HDAC9: variants seen among roughly 807,000 people sequenced by gnomAD.
HDAC9 encodes the protein histone deacetylase 9, also known as MEF-2 interacting transcription repressor (MITR) protein.
Under a neutral mutation model 139.4 loss-of-function variants are expected in HDAC9, and 41 were observed. That is an observed-to-expected ratio of 0.29 (90% confidence interval 0.23 to 0.38). HDAC9 has a LOEUF of 0.38. HDAC9 is among the 10% of genes least tolerant of loss of function. HDAC9 has a pLI of 1.00. For missense variants in HDAC9, 1,147 were observed against 1,297.0 expected (o/e 0.88, Z 1.78); for synonymous variants, 517 against 476.2 (o/e 1.09, Z -1.12).
intron 1 of HDAC9, among the ~76,000 whole-genome samples, chr7:18,112,900 A>C (rs1783720394): frequency 6.6e-6 from 1 of 152,156 alleles, no homozygotes; most frequent in African/African-American, 2.4e-5. Flanking sequence ...GAAGATGTTT[A>C]CAGGTTTGGG....
chr7:18,995,026 AAAGGGACAAATCTAAAGTATT>A (rs1286582584), intron 25 of HDAC9, among the ~76,000 whole-genome samples: 1 of 152,232 alleles, frequency 6.6e-6, no homozygotes, highest in East Asian at 1.9e-4. Context: ...GTTAGACAGC[AAAGGGACAAATCTAAAGTATT>A]AAGTAATGTC....
At chr7:18,212,907 G>T (rs1343509870) in intron 2 of HDAC9, among the ~76,000 whole-genome samples, 1 of 152,186 alleles carries the variant, frequency 6.6e-6, no homozygotes, top group East Asian at 1.9e-4. Flanking sequence ...GATAAAAATA[G>T]ATTTCTGGGA....
intron 16 of HDAC9, among the ~76,000 whole-genome samples, chr7:18,768,628 G>C (rs1261445238): frequency 6.6e-6 from 1 of 152,146 alleles, no homozygotes; most frequent in Non-Finnish European, 1.5e-5. Context: ...GCTGTTTTAT[G>C]AGAATGGCTG....
At chr7:18,809,511 C>G (rs1218474479) in intron 17 of HDAC9, among the ~76,000 whole-genome samples, 1 of 151,740 alleles carries the variant, frequency 6.6e-6, no homozygotes, top group East Asian at 1.9e-4. Flanking sequence ...ACAAAATAAC[C>G]TGATGAAAAG....
chr7:18,768,668 A>G (rs147450326), intron 16 of HDAC9, among the ~76,000 whole-genome samples: 73 of 152,288 alleles, frequency 4.8e-4, no homozygotes, highest in African/African-American at 1.7e-3. Context: ...AAAAAATGAA[A>G]CAAACCTAAT....
chr7:18,667,872 A>C (rs1795265669), intron 12 of HDAC9: 1 of 982,966 alleles, frequency 1.0e-6, no homozygotes, highest in Admixed American at 6.2e-5. Context: ...TTATAGGTTT[A>C]CTTTTGTTAA....
chr7:18,720,950 G>A lies in HDAC9; in HGVS notation c.1732-6630G>A, dbSNP rs894827730. ...CTGCCTTGGCCTCCCAAAGTGCTGCGATTATAGTGTGAGCCGCTGTGCCCA... is the reference window on the plus strand; with the variant it reads ...CTGCCTTGGCCTCCCAAAGTGCTGCAATTATAGTGTGAGCCGCTGTGCCCA... On this transcript the variant is annotated intron_variant, in intron 12 of 25. Transcript: ENST00000686413. Among the ~76,000 whole-genome samples, 10 of 152,124 alleles carry A rather than the reference G, an allele frequency of 6.6e-5. No homozygotes were observed. The East Asian group carries it at 9.7e-4, about 15-fold the overall frequency.
chr7:18,500,030 A>G (rs1182431439), intron 2 of HDAC9, among the ~76,000 whole-genome samples: 1 of 152,162 alleles, frequency 6.6e-6, no homozygotes, highest in East Asian at 1.9e-4. Flanking sequence ...AACTCAGGTT[A>G]TCTTCACTTG....
chr7:18,763,504 G>C (rs28565563), intron 15 of HDAC9, among the ~76,000 whole-genome samples: 10 of 152,022 alleles, frequency 6.6e-5, no homozygotes, highest in Non-Finnish European at 1.0e-4. Context: ...AATTAACATT[G>C]TATATTAATA....
chr7:18,299,414 T>A (rs999327827), intron 1 of HDAC9, among the ~76,000 whole-genome samples: 6 of 152,040 alleles, frequency 3.9e-5, no homozygotes, highest in Admixed American at 3.9e-4. Flanking sequence ...TCAAGATATA[T>A]TTTTTTTCCT....
At chr7:18,208,010 G>A (rs772474741) in intron 2 of HDAC9, among the ~76,000 whole-genome samples, 13 of 152,034 alleles carry the variant, frequency 8.6e-5, no homozygotes, top group East Asian at 1.9e-4. Context: ...CACTGTGCTC[G>A]GCCTATTTAT....
chr7:18,418,859 G>T (rs1020531514), intron 1 of HDAC9, among the ~76,000 whole-genome samples: 7 of 152,086 alleles, frequency 4.6e-5, no homozygotes, highest in African/African-American at 1.7e-4. Flanking sequence ...TACTCCAATA[G>T]TCTGGAAACA....
At chr7:18,406,481 C>T (rs1585672134) in intron 1 of HDAC9, among the ~76,000 whole-genome samples, 1 of 152,098 alleles carries the variant, frequency 6.6e-6, no homozygotes, top group Non-Finnish European at 1.5e-5. Flanking sequence ...GCAAGCTCCG[C>T]CTCCCGGGTT....
At chr7:18,549,624 G>A (rs533131752) in intron 2 of HDAC9, among the ~76,000 whole-genome samples, 2 of 152,114 alleles carry the variant, frequency 1.3e-5, no homozygotes, top group South Asian at 4.1e-4. Flanking sequence ...TTTTGATATT[G>A]TACTATTATT....
intron 1 of HDAC9, among the ~76,000 whole-genome samples, chr7:18,486,223 A>G (rs1445897477): frequency 6.6e-6 from 1 of 152,178 alleles, no homozygotes; most frequent in African/African-American, 2.4e-5. Context: ...TAAGTTTCCA[A>G]CATATGAACT....
Position 18,509,887 on chromosome 7 carries a change from G to A in HDAC9, c.22+13563G>A, listed in dbSNP as rs17139278. Among the ~76,000 whole-genome samples the A allele has an allele frequency of 4.5e-4, 69 of 152,196 alleles. No individual in the cohort carries two copies. The East Asian group carries it at 0.013, about 29-fold the overall frequency. On this transcript the variant is annotated intron_variant, in intron 2 of 25. Coordinates refer to ENST00000686413, the MANE Select transcript of HDAC9 (RefSeq NM_178425.4). Reference sequence around the variant, plus strand: ...CAATTAGTTATATTATAAGCTCCAAGAGGAAAAGGATCATGTTTTACTTCT... The same window carrying A: ...CAATTAGTTATATTATAAGCTCCAAAAGGAAAAGGATCATGTTTTACTTCT...
intron 12 of HDAC9, chr7:18,667,026 T>C: frequency 1.0e-6 from 1 of 985,628 alleles, no homozygotes; most frequent in Non-Finnish European, 1.2e-6. Flanking sequence ...TTTAGTTAAG[T>C]AGAAATGTTC....
At chr7:18,834,585 A>C (rs960316096) in intron 19 of HDAC9, among the ~76,000 whole-genome samples, 2 of 149,972 alleles carry the variant, frequency 1.3e-5, no homozygotes, top group African/African-American at 4.9e-5. Flanking sequence ...AGAAAAGAGC[A>C]GGAAGAAGGC....
chr7:18,302,628 C>T (rs570260300), intron 1 of HDAC9, among the ~76,000 whole-genome samples: 12 of 152,286 alleles, frequency 7.9e-5, no homozygotes, highest in South Asian at 2.1e-4. Context: ...TTCTAGAAGA[C>T]GTGAACAAAT....
Sources: gnomAD v4.1 joint callset for allele counts (sites outside exome capture counted in the v4.1 genomes callset) on GRCh38, gnomAD v4.1.1 for gene constraint, MANE v1.5 for transcripts, NCBI Gene and HGNC (gene_info 2026-07-23, HGNC 2026-07-21) for gene names.